ATAD2B: variants seen among roughly 807,000 people sequenced by gnomAD.
ATAD2B encodes the protein ATPase family AAA domain-containing protein 2B.
ATAD2B carries 40 observed loss-of-function variants against 167.6 expected under a neutral mutation model. That is an observed-to-expected ratio of 0.24 (90% CI 0.19 to 0.31). The LOEUF is 0.31. ATAD2B is among the 10% of genes least tolerant of loss of function. The probability of loss-of-function intolerance (pLI) is 1.00; values close to 1 mark genes in which losing one functional copy is unlikely to be tolerated. For missense variants in ATAD2B, 1,242 were observed against 1,757.2 expected (o/e 0.71, Z 5.24); for synonymous variants, 579 against 596.5 (o/e 0.97, Z 0.43).
chr2:23,724,396 T>C, the ATAD2B span, among the ~76,000 whole-genome samples: 1 of 152,160 alleles, frequency 6.6e-6, no homozygotes, highest in African/African-American at 2.4e-5. Flanking sequence ...ACAATTATTG[T>C]CAATTAAAAA....
At chr2:23,896,153 CAAAAA>C (rs1158562523) in intron 1 of ATAD2B, among the ~76,000 whole-genome samples, 183 bp from the exon 2 acceptor site, 1 of 125,612 alleles carries the variant, frequency 8.0e-6, no homozygotes, top group Admixed American at 8.3e-5. Context: ...CCGCCTCTAC[CAAAAA>C]AAAAAAAAAA....
chr2:23,814,985 G>A lies in ATAD2B; in HGVS notation c.2268-4483C>T, dbSNP rs562259418. Among the ~76,000 whole-genome samples, 3 of 151,924 alleles carry A rather than the reference G, an allele frequency of 2.0e-5. No individual in the cohort carries two copies. In the South Asian group the frequency reaches 6.3e-4, roughly 32 times the overall value. ...GCAGGAGAATCACTTGAACCTGGGA[G>A]GTGGAGGTTGCAGTGAGCTGAGATC... On this transcript the variant is annotated intron_variant, in intron 17 of 27. Transcript: ENST00000238789.
intron 22 of ATAD2B, among the ~76,000 whole-genome samples, chr2:23,778,994 C>T (rs1679578391): frequency 6.6e-6 from 1 of 152,100 alleles, no homozygotes; most frequent in South Asian, 2.1e-4. Flanking sequence ...ACGGGTTGTA[C>T]CCTCACATAG....
the ATAD2B span, chr2:23,690,148 G>A: frequency 6.6e-6 from 1 of 152,252 alleles, no homozygotes; most frequent in Non-Finnish European, 1.5e-5. Context: ...CTGAGGCCCT[G>A]GGAGGGCGGT....
intron 6 of ATAD2B, among the ~76,000 whole-genome samples, chr2:23,883,032 G>A (rs1027765416): frequency 1.3e-4 from 20 of 152,052 alleles, no homozygotes; most frequent in Non-Finnish European, 2.6e-4. Context: ...CCAGCACTTT[G>A]GGAGGCTGAG....
chr2:23,805,795 T>TTAAAAAA (rs373812965), intron 18 of ATAD2B, among the ~76,000 whole-genome samples: 1 of 100,970 alleles, frequency 9.9e-6, no homozygotes. Flanking sequence ...TATCAAGCTT[T>TTAAAAAA]AAAAAAAAAA....
intron 13 of ATAD2B, among the ~76,000 whole-genome samples, chr2:23,856,723 G>A (rs954999241): frequency 6.6e-6 from 1 of 151,958 alleles, no homozygotes; most frequent in Non-Finnish European, 1.5e-5. Context: ...AGCCAGGCAT[G>A]GCAGCACATG....
chr2:23,697,545 C>T, the ATAD2B span: 1 of 152,302 alleles, frequency 6.6e-6, no homozygotes, highest in Non-Finnish European at 1.5e-5. Flanking sequence ...TGAAGCCACA[C>T]ATACCCCTCA....
chr2:23,896,303 T>A (rs936743447), intron 1 of ATAD2B, among the ~76,000 whole-genome samples: 1 of 151,282 alleles, frequency 6.6e-6, no homozygotes, highest in African/African-American at 2.4e-5. Flanking sequence ...CCAGCCTGGA[T>A]GACAGAGCAA....
chr2:23,841,145 C>T (rs1448973970), intron 13 of ATAD2B, among the ~76,000 whole-genome samples: 1 of 129,418 alleles, frequency 7.7e-6, no homozygotes, highest in East Asian at 2.2e-4. Context: ...CATTATGTTG[C>T]CCAGGCTGGT....
chr2:23,910,468 G>C (rs1352754195), intron 1 of ATAD2B, among the ~76,000 whole-genome samples: 1 of 151,598 alleles, frequency 6.6e-6, no homozygotes, highest in Non-Finnish European at 1.5e-5. Context: ...GTGAGCCACT[G>C]CGCCCGGCCT....
chr2:23,692,381 G>T, the ATAD2B span, among the ~76,000 whole-genome samples: 3 of 152,376 alleles, frequency 2.0e-5, no homozygotes, highest in South Asian at 6.2e-4. Flanking sequence ...TCCCGGGGGG[G>T]TCGCTGACCC....
At chr2:23,752,679 C>T (rs564833951) in intron 27 of ATAD2B, among the ~76,000 whole-genome samples, 49 of 152,088 alleles carry the variant, frequency 3.2e-4, no homozygotes, top group African/African-American at 1.2e-3. Flanking sequence ...AGACTGAGCC[C>T]TTCCTTCCTC....
chr2:23,827,584 A>G lies in ATAD2B; in HGVS notation c.1819+1265T>C, dbSNP rs189517952. Among the ~76,000 whole-genome samples, 1,008 of 152,238 alleles carry G rather than the reference A, an allele frequency of 6.6e-3. 4 individuals carry two copies. The highest frequency in any genetic ancestry group is 0.023 in the African/African-American group (964 of 41,528). On this transcript the variant is annotated intron_variant, in intron 15 of 27. Transcript: ENST00000238789. ...ACAAAGATTTCCCAGTCCGATCTGA[A>G]CTCTAGTAAAATATCATCATAAATA...
chr2:23,840,320 C>T (rs1020228149), intron 13 of ATAD2B, among the ~76,000 whole-genome samples: 6 of 152,182 alleles, frequency 3.9e-5, no homozygotes, highest in Non-Finnish European at 7.4e-5. Flanking sequence ...ATTTTGCATT[C>T]CTAATACTGC....
intron 12 of ATAD2B, among the ~76,000 whole-genome samples, chr2:23,862,002 A>T (rs111759990): frequency 6.6e-6 from 1 of 152,172 alleles, no homozygotes; most frequent in Non-Finnish European, 1.5e-5. Context: ...GGACTTCAAG[A>T]CCAGCCTAGG....
intron 12 of ATAD2B, 83 bp downstream of exon 12, chr2:23,863,294 CAGAG>C (rs1415021625): frequency 7.5e-7 from 1 of 1,332,512 alleles, no homozygotes; most frequent in East Asian, 2.5e-5. Flanking sequence ...GCCTGGGTAA[CAGAG>C]AGAGGCCCTG....
At chr2:23,725,219 T>C in the ATAD2B span, among the ~76,000 whole-genome samples, 3 of 152,248 alleles carry the variant, frequency 2.0e-5, no homozygotes, top group African/African-American at 7.2e-5. Flanking sequence ...CTGGTGAACA[T>C]ATTCTTCGGA....
chr2:23,903,044 G>C (rs950932150), intron 1 of ATAD2B, among the ~76,000 whole-genome samples: 1 of 152,032 alleles, frequency 6.6e-6, no homozygotes, highest in Non-Finnish European at 1.5e-5. Context: ...AGCCCAGCCT[G>C]GGCAAAATGG....
Sources: gnomAD v4.1 joint callset for allele counts (sites outside exome capture counted in the v4.1 genomes callset) on GRCh38, gnomAD v4.1.1 for gene constraint, MANE v1.5 for transcripts, NCBI Gene and HGNC (gene_info 2026-07-23, HGNC 2026-07-21) for gene names.